Variants in ROCK2 observed in about 807,000 individuals in gnomAD.
ROCK2 encodes the protein rho-associated protein kinase 2.
Under a neutral mutation model 195.1 loss-of-function variants are expected in ROCK2, and 61 were observed. The ratio of observed to expected loss-of-function variants is 0.31; its 90% CI spans 0.25 to 0.39. ROCK2 has a LOEUF of 0.39. Among genes scored for constraint, ROCK2 ranks in the 10% least tolerant of loss-of-function variants. ROCK2 has a pLI of 1.00. For missense variants in ROCK2, 1,109 were observed against 1,637.4 expected (o/e 0.68, Z 5.57); for synonymous variants, 504 against 545.5 (o/e 0.92, Z 1.06).
intron 3 of ROCK2, among the ~76,000 whole-genome samples, chr2:11,265,156 C>G (rs1235688586): frequency 6.6e-6 from 1 of 152,088 alleles, no homozygotes; most frequent in Non-Finnish European, 1.5e-5. Context: ...GTCTGGCTGG[C>G]ATGTTACAAC....
intron 4 of ROCK2, among the ~76,000 whole-genome samples, chr2:11,237,744 C>T (rs1019003710): frequency 2.0e-5 from 3 of 152,164 alleles, no homozygotes; most frequent in Admixed American, 2.0e-4. Context: ...AATTGACAGA[C>T]CATTTTCAAA....
At position 11,201,959 on chromosome 2, in the gene ROCK2, A is replaced by G. The variant is rs570355097; in HGVS notation, c.2619+93T>C. 242 of 903,520 alleles carry G rather than the reference A, an allele frequency of 2.7e-4. No homozygotes were observed. The highest frequency in any genetic ancestry group is 3.5e-4 in the Non-Finnish European group (192 of 547,282). The allele number at this position is 903,520 out of a possible 1,614,324, so 56.0% of individuals were successfully genotyped here. A position where few individuals can be genotyped will look rare whatever the true frequency, so the allele number is the denominator to read the frequency against. ...TTAAACTATCTACATTCTTTTGCCC[A>G]GCTGCTCTTTTTATATGAGTTGTAT... On this transcript the variant is annotated intron_variant, in intron 21 of 32. Transcript: ENST00000315872. The surrounding 1 kb of genome is among the most constrained non-coding windows in gnomAD (Gnocchi z 4.6).
chr2:11,271,040 A>G (rs1558346060), intron 3 of ROCK2, among the ~76,000 whole-genome samples: 1 of 152,198 alleles, frequency 6.6e-6, no homozygotes. Flanking sequence ...TCTTATGATT[A>G]GGTCTCAGCG....
At chr2:11,198,389 A>T (rs897938983) in intron 25 of ROCK2, 102 bp downstream of exon 25, 1 of 775,038 alleles carries the variant, frequency 1.3e-6, no homozygotes, top group Non-Finnish European at 2.1e-6. Context: ...ATATTGGTAC[A>T]TTCGATGACT....
chr2:11,273,676 T>C (rs947646980), intron 3 of ROCK2, among the ~76,000 whole-genome samples: 7 of 152,048 alleles, frequency 4.6e-5, no homozygotes, highest in Admixed American at 2.6e-4. Flanking sequence ...TAATAACATA[T>C]ATAATATTCT....
chr2:11,345,403 C>G (rs546900697), upstream of ROCK2, among the ~76,000 whole-genome samples: 32 of 152,306 alleles, frequency 2.1e-4, no homozygotes, highest in African/African-American at 7.5e-4. Context: ...GCCCTCTCGG[C>G]GGCCGGTGCC....
intron 20 of ROCK2, among the ~76,000 whole-genome samples, chr2:11,203,125 A>C (rs1231458844): frequency 6.6e-6 from 1 of 152,198 alleles, no homozygotes; most frequent in African/African-American, 2.4e-5. Flanking sequence ...TAAAGGAATA[A>C]AATAATAAAT....
At chr2:11,233,965 T>C (rs1199483690) in intron 5 of ROCK2, 1 of 152,146 alleles carries the variant, frequency 6.6e-6, no homozygotes, top group African/African-American at 2.4e-5. Context: ...ACTGTCTGTA[T>C]CTGAGTTTAA....
rs1275506923 is a variant in ROCK2, at chr2:11,197,729, T to C, written c.3100-24A>G. ...GCCTTAAAAAATGTAAAAATAAATA[T>C]AATACATAAATAAAATAAATTACGT... On this transcript the variant is annotated intron_variant, in intron 25 of 32. Transcript: ENST00000315872. The surrounding 1 kb of genome is among the most constrained non-coding windows in gnomAD (Gnocchi z 4.9). 3.5e-6 allele frequency: 5 copies of C among 1,447,596 alleles called. No individual in the cohort carries two copies. Among genetic ancestry groups the C allele is most frequent in the South Asian group, 1.5e-5 (1 of 67,368 alleles). 89.7% of individuals were successfully genotyped at this position (1,447,596 alleles called of 1,614,324 possible).
In ROCK2 at chr2:11,180,634, C is replaced by T. The variant is rs921069145; in HGVS notation, c.*2803G>A. The T allele has an allele frequency of 6.6e-6, 1 of 152,154 alleles. No homozygotes were observed. Among genetic ancestry groups the T allele is most frequent in the Non-Finnish European group, 1.5e-5 (1 of 68,036 alleles). 9.4% of individuals were successfully genotyped at this position (152,154 alleles called of 1,614,324 possible). On this transcript the variant is annotated 3_prime_UTR_variant, in exon 33 of 33. Coordinates refer to ENST00000315872, the MANE Select transcript of ROCK2 (RefSeq NM_004850.5). ...AATCCAATAAGAAAATCCCAGTATT[C>T]ATGATTTCTTAGTTCCCCATAGGAG...
chr2:11,229,267 C>G (rs1664917729), intron 5 of ROCK2, among the ~76,000 whole-genome samples: 1 of 151,964 alleles, frequency 6.6e-6, no homozygotes, highest in East Asian at 1.9e-4. Flanking sequence ...GTTTTTAAAA[C>G]AAACATTTGA....
chr2:11,291,571 T>A (rs1261304922), intron 1 of ROCK2, among the ~76,000 whole-genome samples: 1 of 151,994 alleles, frequency 6.6e-6, no homozygotes, highest in African/African-American at 2.4e-5. Context: ...CTAATTGTTG[T>A]TAAACATCCA....
intron 1 of ROCK2, among the ~76,000 whole-genome samples, chr2:11,304,656 C>T (rs571311834): frequency 1.2e-4 from 18 of 152,330 alleles, no homozygotes; most frequent in African/African-American, 4.3e-4. Context: ...GAGAGTAAAG[C>T]ACAATTCCCA....
chr2:11,194,368 A>G, intron 28 of ROCK2, 24 bp from the exon 29 acceptor site: 1 of 1,052,992 alleles, frequency 9.5e-7, no homozygotes, highest in Non-Finnish European at 1.3e-6. Flanking sequence ...GAGAAAAGAA[A>G]TCAGTAATTC....
At chr2:11,336,806 A>T (rs1489585247) in intron 1 of ROCK2, among the ~76,000 whole-genome samples, 1 of 152,256 alleles carries the variant, frequency 6.6e-6, no homozygotes, top group Admixed American at 6.5e-5. Flanking sequence ...CATTAAATTT[A>T]GCTTAAAATG....
rs1665160239 is a variant in ROCK2 at position 11,235,230 on chromosome 2, T to C, written c.723+472A>G. Among the ~76,000 whole-genome samples, 1 of 152,172 alleles carries C rather than the reference T, an allele frequency of 6.6e-6. No homozygotes were observed. The highest frequency in any genetic ancestry group is 2.4e-5 in the African/African-American group (1 of 41,456). ...TCAACAGGTAAAGCATCGGAACAGA[T>C]GATGTTCCCAAATTTATTCTGTGTG... On this transcript the variant is annotated intron_variant, in intron 5 of 32. Transcript: ENST00000315872. The surrounding 1 kb of genome is among the most constrained non-coding windows in gnomAD (Gnocchi z 4.2).
At chr2:11,309,538 T>A (rs1026363101) in intron 1 of ROCK2, among the ~76,000 whole-genome samples, 1 of 152,206 alleles carries the variant, frequency 6.6e-6, no homozygotes, top group Non-Finnish European at 1.5e-5. Context: ...GAATTTCCAA[T>A]AGAAACAGTA....
chr2:11,243,127 G>A (rs907505982), intron 4 of ROCK2, among the ~76,000 whole-genome samples: 1 of 152,170 alleles, frequency 6.6e-6, no homozygotes, highest in African/African-American at 2.4e-5. Flanking sequence ...GTCAAGGGAA[G>A]ACTGAGGAAA....
At chr2:11,236,414 CAAG>C (rs1665206823) in intron 4 of ROCK2, among the ~76,000 whole-genome samples, 1 of 152,078 alleles carries the variant, frequency 6.6e-6, no homozygotes, top group African/African-American at 2.4e-5. Flanking sequence ...TCAACGGACA[CAAG>C]AAGAGGGAAT....
Sources: allele counts gnomAD v4.1 joint callset (sites outside exome capture counted in the v4.1 genomes callset), GRCh38; gene constraint gnomAD v4.1.1; non-coding constraint Gnocchi (gnomAD v3.1); transcripts MANE v1.5; gene names NCBI Gene and HGNC (gene_info 2026-07-23, HGNC 2026-07-21).